The following MPPED2 variants were observed in gnomAD, a reference collection of about 807,000 sequenced individuals.
MPPED2 encodes the protein metallophosphoesterase domain containing 2, also known as metallophosphoesterase MPPED2.
A neutral mutation model predicts 33.0 loss-of-function variants in MPPED2; 5 were observed. The ratio of observed to expected loss-of-function variants is 0.15; its 90% CI spans 0.08 to 0.32. The LOEUF (loss-of-function observed/expected upper bound fraction) is 0.32, where lower values mean the gene tolerates loss of function less well. MPPED2 is among the 10% of genes least tolerant of loss of function. The pLI is 1.00. For synonymous variants in MPPED2, 136 were observed against 141.9 expected (o/e 0.96, Z 0.29); for missense variants, 275 against 372.1 (o/e 0.74, Z 2.15).
intron 4 of MPPED2, among the ~76,000 whole-genome samples, chr11:30,460,035 C>T (rs1458631885): frequency 3.3e-5 from 5 of 152,114 alleles, no homozygotes; most frequent in Non-Finnish European, 5.9e-5. Flanking sequence ...GGAGCTTGGC[C>T]GTTACAAAGG....
chr11:30,493,917 A>G (rs1271131647), intron 4 of MPPED2, among the ~76,000 whole-genome samples: 1 of 152,176 alleles, frequency 6.6e-6, no homozygotes, highest in Admixed American at 6.5e-5. Context: ...AAACCTGACA[A>G]CTGTCAACTG....
chr11:30,438,427 G>A (rs531159536), intron 4 of MPPED2, among the ~76,000 whole-genome samples: 2 of 152,292 alleles, frequency 1.3e-5, no homozygotes, highest in East Asian at 1.9e-4. Flanking sequence ...CTGACCTAAC[G>A]GTCAAACCAA....
chr11:30,460,469 T>A (rs562020907), intron 4 of MPPED2, among the ~76,000 whole-genome samples: 18 of 151,830 alleles, frequency 1.2e-4, no homozygotes, highest in South Asian at 2.1e-4. Context: ...AAAATTTTTT[T>A]AAAAAGTTAG....
At chr11:30,564,572 A>T (rs1490792233) in intron 2 of MPPED2, among the ~76,000 whole-genome samples, 1 of 152,172 alleles carries the variant, frequency 6.6e-6, no homozygotes, top group Non-Finnish European at 1.5e-5. Flanking sequence ...TAAGAGGGAG[A>T]CCAAGATTCA....
intron 4 of MPPED2, among the ~76,000 whole-genome samples, chr11:30,479,285 T>G (rs551935): frequency 0.46 from 69,500 of 152,012 alleles, 16,130 homozygotes; most frequent in East Asian, 0.64. Context: ...CTGACGTAGA[T>G]GACTGGATCT....
chr11:30,397,207 A>G (rs1030615454), intron 6 of MPPED2, among the ~76,000 whole-genome samples: 2 of 152,174 alleles, frequency 1.3e-5, no homozygotes, highest in African/African-American at 2.4e-5. Context: ...AAGTTTCTCA[A>G]ATGGATCCTC....
At position 30,496,694 on chromosome 11, in the gene MPPED2, AAG is replaced by A. The variant is rs553928690; in HGVS notation, c.311-1175_311-1174del. ...ATTTCATTAAGGAAACTTAGTGGGG[AAG>A]AGAATTTTGTGGGCGGGGGGTGGGG... On this transcript the variant is annotated intron_variant, in intron 3 of 6. Coordinates refer to ENST00000358117, the MANE Select transcript of MPPED2 (RefSeq NM_001584.3). Among the ~76,000 whole-genome samples the A allele has an allele frequency of 3.3e-3, 237 of 71,840 alleles. 1 individual carries two copies. The highest frequency in any genetic ancestry group is 0.014 in the African/African-American group (224 of 16,512). 47.1% of individuals were successfully genotyped at this position (71,840 alleles called of 152,430 possible). A position where few individuals can be genotyped will look rare whatever the true frequency, so the allele number is the denominator to read the frequency against.
chr11:30,391,882 T>C (rs1590149299), intron 6 of MPPED2, among the ~76,000 whole-genome samples: 1 of 152,198 alleles, frequency 6.6e-6, no homozygotes, highest in African/African-American at 2.4e-5. Context: ...GAAAAGGGTC[T>C]GCATTTTCTA....
At chr11:30,404,052 G>A (rs1000901413) in intron 6 of MPPED2, among the ~76,000 whole-genome samples, 4 of 152,138 alleles carry the variant, frequency 2.6e-5, no homozygotes, top group African/African-American at 9.7e-5. Flanking sequence ...TCCAACCCTA[G>A]TAGCCATACC....
chr11:30,498,402 T>C (rs1227814383), intron 3 of MPPED2, among the ~76,000 whole-genome samples: 1 of 152,034 alleles, frequency 6.6e-6, no homozygotes, highest in East Asian at 1.9e-4. Flanking sequence ...CTGGCCAATG[T>C]GATAAAACCC....
intron 2 of MPPED2, among the ~76,000 whole-genome samples, chr11:30,566,562 C>G (rs967050242): frequency 2.6e-5 from 4 of 152,158 alleles, no homozygotes; most frequent in Non-Finnish European, 4.4e-5. Context: ...TACATACATG[C>G]TCTCAAAATG....
At chr11:30,575,457 A>G (rs898682030) in intron 2 of MPPED2, among the ~76,000 whole-genome samples, 3 of 152,184 alleles carry the variant, frequency 2.0e-5, no homozygotes, top group Admixed American at 1.3e-4. Context: ...CAGGTTCAAC[A>G]ATTTTTCCAT....
chr11:30,445,769 T>C lies in MPPED2; in HGVS notation c.537-28136A>G, dbSNP rs79274262. Among the ~76,000 whole-genome samples, 425 of 152,350 alleles carry C rather than the reference T, an allele frequency of 2.8e-3. 5 individuals carry two copies. The highest frequency in any genetic ancestry group is 9.7e-3 in the African/African-American group (404 of 41,584). ...ATGTCTTCAAGGCTCATCCATGTAG[T>C]AGTATGTGTTAGGATTTCCTTCTGT... On this transcript the variant is annotated intron_variant, in intron 4 of 6. Transcript: ENST00000358117.
At chr11:30,456,359 T>C (rs890239265) in intron 4 of MPPED2, among the ~76,000 whole-genome samples, 4 of 152,168 alleles carry the variant, frequency 2.6e-5, no homozygotes, top group African/African-American at 9.7e-5. Context: ...TTGAGGGGAA[T>C]AAACACATGG....
chr11:30,487,378 G>C (rs557870435), intron 4 of MPPED2, among the ~76,000 whole-genome samples: 1 of 152,308 alleles, frequency 6.6e-6, no homozygotes, highest in East Asian at 1.9e-4. Context: ...GAGGGAAAAA[G>C]CCACATGCAA....
intron 4 of MPPED2, among the ~76,000 whole-genome samples, chr11:30,462,884 C>G (rs2134011149): frequency 6.6e-6 from 1 of 152,224 alleles, no homozygotes; most frequent in South Asian, 2.1e-4. Context: ...TTTTAAAAGG[C>G]ACATATGAAG....
At chr11:30,473,821 G>T (rs761365036) in intron 4 of MPPED2, among the ~76,000 whole-genome samples, 9 of 152,154 alleles carry the variant, frequency 5.9e-5, no homozygotes, top group Non-Finnish European at 1.3e-4. Context: ...CTGGCCAATA[G>T]TAAACAGAAA....
intron 4 of MPPED2, among the ~76,000 whole-genome samples, chr11:30,424,974 T>A (rs1485719651): frequency 1.3e-5 from 2 of 152,186 alleles, no homozygotes; most frequent in Admixed American, 6.5e-5. Flanking sequence ...CCCAGCTGCC[T>A]CCAAAGGGTA....
chr11:30,473,819 T>A (rs1348348212), intron 4 of MPPED2, among the ~76,000 whole-genome samples: 2 of 152,144 alleles, frequency 1.3e-5, no homozygotes, highest in South Asian at 2.1e-4. Context: ...CACTGGCCAA[T>A]AGTAAACAGA....
Sources: gnomAD v4.1 joint callset for allele counts (sites outside exome capture counted in the v4.1 genomes callset) on GRCh38, gnomAD v4.1.1 for gene constraint, MANE v1.5 for transcripts, NCBI Gene and HGNC (gene_info 2026-07-23, HGNC 2026-07-21) for gene names.